The following P4HA1 variants were observed in gnomAD, a reference collection of about 807,000 sequenced individuals.
P4HA1 encodes prolyl 4-hydroxylase subunit alpha-1.
A neutral mutation model predicts 72.8 loss-of-function variants in P4HA1; 24 were observed. That is an observed-to-expected ratio of 0.33 (90% confidence interval 0.24 to 0.46). The LOEUF is 0.46. Ranked by LOEUF, P4HA1 falls within the 20% of genes least tolerant of loss-of-function variation. P4HA1 has a pLI of 1.00. For missense variants in P4HA1, 446 were observed against 640.6 expected, an observed-to-expected ratio of 0.70 and a Z score of 3.28; for synonymous variants, 201 against 218.8, an observed-to-expected ratio of 0.92 and a Z score of 0.72.
At chr10:73,054,609 T>C (rs1841094585) in intron 5 of P4HA1, among the ~76,000 whole-genome samples, 1 of 152,246 alleles carries the variant, frequency 6.6e-6, no homozygotes, top group Non-Finnish European at 1.5e-5. Context: ...TTCTTGAGTA[T>C]ATACATATGA....
intron 5 of P4HA1, among the ~76,000 whole-genome samples, chr10:73,061,766 T>TA (rs201382289): frequency 8.0e-5 from 12 of 150,142 alleles, no homozygotes; most frequent in Middle Eastern, 3.4e-3. Flanking sequence ...ACCCTGTCTC[T>TA]AAAAAAAAAT....
chr10:73,016,024 G>C (rs1410330993), intron 11 of P4HA1, among the ~76,000 whole-genome samples: 1 of 151,868 alleles, frequency 6.6e-6, no homozygotes, highest in East Asian at 1.9e-4. Flanking sequence ...AACTACTCAG[G>C]CTCCTCTGAA....
rs538682689 is a variant in P4HA1, at chr10:73,027,447, G to A, written c.1248+2824C>T. 1.5e-4 allele frequency among the ~76,000 whole-genome samples: 22 copies of A among 151,130 alleles called. No homozygotes were observed. In the South Asian group the frequency reaches 3.4e-3, roughly 23 times the overall value. On this transcript the variant is annotated intron_variant, in intron 10 of 14. Coordinates refer to ENST00000394890, the MANE Select transcript of P4HA1 (RefSeq NM_001017962.3). ...GGAACATCACACACCGGGGCCTGTC[G>A]GAGGGTGGGGGGCTGGGGGAGGAAT...
At chr10:73,091,374 T>G (rs982832811) in intron 1 of P4HA1, among the ~76,000 whole-genome samples, 3 of 152,010 alleles carry the variant, frequency 2.0e-5, no homozygotes, top group African/African-American at 7.2e-5. Flanking sequence ...CAATCAGAGC[T>G]CACAGCAGCC....
At chr10:73,093,907 T>TATATATATATATACAC (rs1256283876) in intron 1 of P4HA1, among the ~76,000 whole-genome samples, 13 of 55,602 alleles carry the variant, frequency 2.3e-4, no homozygotes, top group African/African-American at 1.1e-3. Context: ...TATATATATA[T>TATATATATATATACAC]ACACACACAC....
chr10:73,076,151 C>G (rs898530854), intron 1 of P4HA1, among the ~76,000 whole-genome samples: 1 of 152,048 alleles, frequency 6.6e-6, no homozygotes, highest in African/African-American at 2.4e-5. Context: ...TACTAAAAAC[C>G]ATTGAATCAT....
intron 5 of P4HA1, among the ~76,000 whole-genome samples, chr10:73,058,090 G>GAAAAAAAA (rs869244017): frequency 8.7e-5 from 2 of 23,072 alleles, no homozygotes; most frequent in African/African-American, 2.9e-4. Context: ...ACTCCGTCCA[G>GAAAAAAAA]AAAAAAAAAA....
intron 9 of P4HA1, among the ~76,000 whole-genome samples, chr10:73,038,032 G>T (rs895189223): frequency 3.9e-5 from 6 of 152,204 alleles, no homozygotes; most frequent in Admixed American, 3.9e-4. Context: ...AAGGTGAGAT[G>T]ATCACTTGAG....
At chr10:73,065,127 T>C (rs1841390030) in intron 5 of P4HA1, 1 of 152,144 alleles carries the variant, frequency 6.6e-6, no homozygotes, top group South Asian at 2.1e-4. Flanking sequence ...AAGACAGTGA[T>C]GCAAGTGACC....
chr10:73,061,393 A>ACTAGGTTT (rs1841310331), intron 5 of P4HA1, among the ~76,000 whole-genome samples: 1 of 152,192 alleles, frequency 6.6e-6, no homozygotes, highest in Admixed American at 6.5e-5. Flanking sequence ...ATAACATATG[A>ACTAGGTTT]CTAGGTTTCC....
intron 5 of P4HA1, among the ~76,000 whole-genome samples, chr10:73,054,825 A>G (rs1283935034): frequency 1.6e-4 from 25 of 151,988 alleles, no homozygotes. Flanking sequence ...TGTGGTTTTG[A>G]TTTGCATTTC....
chr10:73,039,157 A>C (rs1364751426), intron 9 of P4HA1, among the ~76,000 whole-genome samples: 1 of 152,058 alleles, frequency 6.6e-6, no homozygotes, highest in Non-Finnish European at 1.5e-5. Context: ...GGTGGTGAGC[A>C]CCTGTATTCC....
Position 73,074,811 on chromosome 10 carries a change from T to C in P4HA1, c.73A>G (p.Ile25Val), listed in dbSNP as rs780926147. Reference sequence around the variant, plus strand: ...AACAACAAGTAGTAAGACTTACCAATTGAAGTAAAAAAGCCTGGATGAGCC... The same window carrying C: ...AACAACAAGTAGTAAGACTTACCAACTGAAGTAAAAAAGCCTGGATGAGCC... ...SLAHPGFFTS[I>V]GQMTDLIHTE... Residue 25 changes from isoleucine to valine, a missense_variant, in exon 2 of 15, where the codon ATT (isoleucine) becomes GTT (valine). By Grantham distance (29) the Ile-to-Val change is conservative (BLOSUM62 3). Transcript: ENST00000394890. The C allele has an allele frequency of 2.6e-5, 39 of 1,510,246 alleles. No individual in the cohort carries two copies. Among genetic ancestry groups the C allele is most frequent in the East Asian group, 6.8e-5 (3 of 44,298 alleles). 93.6% of individuals were successfully genotyped at this position (1,510,246 alleles called of 1,614,324 possible).
chr10:73,089,978 A>G (rs929990757), intron 1 of P4HA1, among the ~76,000 whole-genome samples: 4 of 152,132 alleles, frequency 2.6e-5, no homozygotes, highest in African/African-American at 9.7e-5. Context: ...CGGGGACTGC[A>G]GGCACACAAC....
At chr10:73,059,246 T>C (rs1841240223) in intron 5 of P4HA1, among the ~76,000 whole-genome samples, 1 of 151,564 alleles carries the variant, frequency 6.6e-6, no homozygotes, top group African/African-American at 2.4e-5. Context: ...TAATGTACCT[T>C]ATTAGTCTAG....
At chr10:73,088,448 C>G (rs943499330) in intron 1 of P4HA1, among the ~76,000 whole-genome samples, 10 of 152,284 alleles carry the variant, frequency 6.6e-5, no homozygotes, top group Non-Finnish European at 8.8e-5. Flanking sequence ...GAAGTTGAAA[C>G]CATGTAAATA....
rs553701263 is a variant in P4HA1, at chr10:73,059,548, C to G, written c.464-5958G>C. 3.1e-4 allele frequency among the ~76,000 whole-genome samples: 45 copies of G among 146,500 alleles called. 1 individual carries two copies. Among genetic ancestry groups the G allele is most frequent in the South Asian group, 1.3e-3 (6 of 4,672 alleles). ...CATGAGGTCAGGAGATCGAGACCAA[C>G]CTGGCTAACATGGTGAAACCCCATC... is the stretch of plus-strand genomic sequence containing the variant. On this transcript the variant is annotated intron_variant, in intron 5 of 14. Transcript: ENST00000394890.
chr10:73,093,121 T>TAAA (rs200388165), intron 1 of P4HA1, among the ~76,000 whole-genome samples: 1 of 135,364 alleles, frequency 7.4e-6, no homozygotes, highest in Non-Finnish European at 1.6e-5. Context: ...TCCTATCTCT[T>TAAA]AAAAAAAAAA....
At chr10:73,080,314 T>A (rs142551444) in intron 1 of P4HA1, among the ~76,000 whole-genome samples, 172 of 152,332 alleles carry the variant, frequency 1.1e-3, no homozygotes, top group Non-Finnish European at 2.0e-3. Context: ...TCTCAAACTT[T>A]AGCTCTATCA....
Sources: gnomAD v4.1 joint callset for allele counts (sites outside exome capture counted in the v4.1 genomes callset) on GRCh38, gnomAD v4.1.1 for gene constraint, MANE v1.5 for transcripts, NCBI Gene and HGNC (gene_info 2026-07-23, HGNC 2026-07-21) for gene names.